HSPA14: variants seen among roughly 807,000 people sequenced by gnomAD.
HSPA14 encodes heat shock 70 kDa protein 14.
Under a neutral mutation model 65.5 loss-of-function variants are expected in HSPA14, and 37 were observed. The ratio of observed to expected loss-of-function variants is 0.56; its 90% CI spans 0.43 to 0.74. HSPA14 has a LOEUF of 0.74. Among genes scored for constraint, HSPA14 ranks in the 30% least tolerant of loss-of-function variants. The probability of loss-of-function intolerance (pLI) is 0.00; values close to 1 mark genes in which losing one functional copy is unlikely to be tolerated. For missense variants in HSPA14, 564 were observed against 607.6 expected (o/e 0.93, Z 0.75); for synonymous variants, 203 against 214.2 (o/e 0.95, Z 0.46).
In HSPA14 at chr10:14,842,086, T is replaced by G. The variant is rs1003775658; in HGVS notation, c.221+1929T>G. On this transcript the variant is annotated intron_variant, in intron 3 of 13. Coordinates refer to ENST00000378372, the MANE Select transcript of HSPA14 (RefSeq NM_016299.4). The surrounding 1 kb of genome is among the most constrained non-coding windows in gnomAD (Gnocchi z 5.2). ...AGCACCACTTAACTTGCTGCCAAAA[T>G]TATCCTTACACCCTTCCTGTAACTC... The G allele has an allele frequency of 1.4e-6, 2 of 1,423,008 alleles. No individual in the cohort carries two copies. The highest frequency in any genetic ancestry group is 1.9e-6 in the Non-Finnish European group (2 of 1,047,532). The allele number at this position is 1,423,008 out of a possible 1,614,324, so 88.1% of individuals were successfully genotyped here. A position where few individuals can be genotyped will look rare whatever the true frequency, so the allele number is the denominator to read the frequency against.
chr10:14,868,400 G>A (rs377645355), intron 12 of HSPA14, among the ~76,000 whole-genome samples: 5 of 151,990 alleles, frequency 3.3e-5, no homozygotes, highest in Admixed American at 3.3e-4. Context: ...TTAAAATACC[G>A]CGTGCATATC....
chr10:14,867,902 T>A lies in HSPA14; in HGVS notation c.1373T>A (p.Phe458Tyr). 1 of 1,612,992 alleles carries A rather than the reference T, an allele frequency of 6.2e-7. No homozygotes were observed. Among genetic ancestry groups the A allele is most frequent in the Non-Finnish European group, 8.5e-7 (1 of 1,179,606 alleles). ...GKNSAKEETK[F>Y]AQVVLQDLDK... is the part of the protein sequence containing the mutation. ...AACTCTGCCAAAGAGGAAACCAAGTTTGCACAGGTGAATACATAAAGTTAG... is the reference window on the plus strand; with the variant it reads ...AACTCTGCCAAAGAGGAAACCAAGTATGCACAGGTGAATACATAAAGTTAG... Residue 458 changes from phenylalanine (F) to tyrosine (Y), a missense_variant, in exon 12 of 14, where the codon TTT becomes TAT. By Grantham distance (22) the Phe-to-Tyr change is conservative. Transcript: ENST00000378372.
chr10:14,842,769 A>G lies in HSPA14; in HGVS notation c.221+2612A>G, dbSNP rs1159147411. ...AAAACAGTTAAGGCATCAGATGAGG[A>G]TTGTCAGCTAAGAATCAGTGACCGG... On this transcript the variant is annotated intron_variant, in intron 3 of 13. Coordinates refer to ENST00000378372, the MANE Select transcript of HSPA14 (RefSeq NM_016299.4). This position sits in a 1 kb window ranked among gnomAD's most constrained non-coding sequence, Gnocchi z 5.2. The G allele has an allele frequency of 1.3e-6, 2 of 1,536,416 alleles. No homozygotes were observed. The highest frequency in any genetic ancestry group is 1.7e-6 in the Non-Finnish European group (2 of 1,146,984).
At chr10:14,840,338 C>T (rs548752276) in intron 3 of HSPA14, among the ~76,000 whole-genome samples, 181 bp downstream of exon 3, 2 of 152,258 alleles carry the variant, frequency 1.3e-5, no homozygotes, top group East Asian at 3.9e-4. Context: ...TGGATCTTCT[C>T]TGATATGGGA....
At chr10:14,859,453 T>C (rs907833930) in intron 10 of HSPA14, among the ~76,000 whole-genome samples, 4 of 152,212 alleles carry the variant, frequency 2.6e-5, no homozygotes, top group East Asian at 1.9e-4. Context: ...AAACTCAAGA[T>C]TTCTCTTCCA....
At chr10:14,841,572 A>G (rs545893881) in intron 3 of HSPA14, among the ~76,000 whole-genome samples, 1 of 152,206 alleles carries the variant, frequency 6.6e-6, no homozygotes, top group Non-Finnish European at 1.5e-5. Flanking sequence ...GAACATTTCC[A>G]TAGATCTCTC....
chr10:14,864,123 C>T (rs1832782914), intron 10 of HSPA14, among the ~76,000 whole-genome samples: 1 of 151,072 alleles, frequency 6.6e-6, no homozygotes, highest in East Asian at 1.9e-4. Context: ...GAGACTGAAG[C>T]AGGAGGATCA....
At chr10:14,846,611 A>G (rs563205122) in intron 3 of HSPA14, 51 of 962,596 alleles carry the variant, frequency 5.3e-5, no homozygotes, top group Non-Finnish European at 6.2e-5. Flanking sequence ...CCAGCATTCC[A>G]TAACTCAGGT....
intron 9 of HSPA14, among the ~76,000 whole-genome samples, chr10:14,854,582 T>C (rs889660995): frequency 1.3e-5 from 2 of 152,236 alleles, no homozygotes; most frequent in Non-Finnish European, 2.9e-5. Context: ...TGCTGTAGTC[T>C]TTGTGTTGCA....
chr10:14,838,630 G>T, intron 1 of HSPA14, 171 bp downstream of exon 1: 2 of 616,596 alleles, frequency 3.2e-6, no homozygotes, highest in South Asian at 4.4e-5. Flanking sequence ...CCTCGCGCCT[G>T]GCGATTCCTC....
rs148582275 is a variant in HSPA14, at chr10:14,843,879, G to A, written c.221+3722G>A. 4.9e-4 allele frequency: 751 copies of A among 1,536,314 alleles called. 16 individuals are homozygous for A. The East Asian group carries it at 8.0e-3, about 16-fold the overall frequency. ...AAAAATTGCTTCAGAGGTTGATTTC[G>A]AATACCAAAAGCTAGGAACCAATTA... On this transcript the variant is annotated intron_variant, in intron 3 of 13. Coordinates refer to ENST00000378372, the MANE Select transcript of HSPA14 (RefSeq NM_016299.4).
At chr10:14,843,831 TGGTGCTTTTCA>T (rs1191767198) in intron 3 of HSPA14, 14 of 1,536,316 alleles carry the variant, frequency 9.1e-6, no homozygotes, top group Admixed American at 2.0e-5. Context: ...AAGAGGCAAC[TGGTGCTTTTCA>T]GCTAGGCCTT....
chr10:14,852,131 T>A (rs1039599548), intron 7 of HSPA14, among the ~76,000 whole-genome samples: 3 of 152,206 alleles, frequency 2.0e-5, no homozygotes, highest in Non-Finnish European at 4.4e-5. Context: ...TTGAACTCCT[T>A]ACTCAGAAGA....
intron 6 of HSPA14, among the ~76,000 whole-genome samples, chr10:14,850,165 G>A (rs1325167350): frequency 4.0e-5 from 6 of 151,886 alleles, no homozygotes; most frequent in South Asian, 2.1e-4. Flanking sequence ...TCAGCTATTC[G>A]GGAGGCTGAG....
rs1796623245 is a variant in HSPA14, at chr10:14,842,478, A to G, written c.221+2321A>G. ...CGCACCGAACGTCAGTGCCGCTCCAAGTTTAAAGTTCTGAAGGCATTATAT... is the reference window on the plus strand; with the variant it reads ...CGCACCGAACGTCAGTGCCGCTCCAGGTTTAAAGTTCTGAAGGCATTATAT... On this transcript the variant is annotated intron_variant, in intron 3 of 13. Coordinates refer to ENST00000378372, the MANE Select transcript of HSPA14 (RefSeq NM_016299.4). The surrounding 1 kb of genome is among the most constrained non-coding windows in gnomAD (Gnocchi z 5.2). The G allele has an allele frequency of 6.5e-7, 1 of 1,536,018 alleles. No homozygotes were observed. Among genetic ancestry groups the G allele is most frequent in the South Asian group, 1.2e-5 (1 of 84,068 alleles).
chr10:14,857,080 A>G (rs1232401402), intron 10 of HSPA14, among the ~76,000 whole-genome samples: 1 of 152,142 alleles, frequency 6.6e-6, no homozygotes, highest in African/African-American at 2.4e-5. Context: ...TTTATATAAT[A>G]TAACCAATTT....
At position 14,869,232 on chromosome 10, in the gene HSPA14, C is replaced by CGTGTGTGTGTGTGT. The variant is rs68155495; in HGVS notation, c.1380+1342_1381-1333dup. On this transcript the variant is annotated intron_variant, in intron 12 of 13. Transcript: ENST00000378372. ...ATGAGATATTGTGTGTGTACGTGTACGTGTGTGTGTGTGTGTGTGTGTGTG... is the reference window on the plus strand; with the variant it reads ...ATGAGATATTGTGTGTGTACGTGTACGTGTGTGTGTGTGTGTGTGTGTGTGTGTGTGTGTGTGTG... Among the ~76,000 whole-genome samples the CGTGTGTGTGTGTGT allele has an allele frequency of 3.2e-4, 47 of 144,822 alleles. No individual in the cohort carries two copies. The East Asian group carries it at 8.4e-3, about 26-fold the overall frequency.
intron 11 of HSPA14, 79 bp from the exon 12 acceptor site, chr10:14,867,657 A>G: frequency 2.5e-6 from 3 of 1,206,262 alleles, no homozygotes; most frequent in South Asian, 1.5e-5. Context: ...AGGAATATAT[A>G]TCTCATTTAT....
At chr10:14,846,461 A>C (rs983586823) in intron 3 of HSPA14, 3 of 985,382 alleles carry the variant, frequency 3.0e-6, no homozygotes, top group Non-Finnish European at 3.6e-6. Context: ...GTCTTGAATA[A>C]GTACACAGAA....
Sources: gnomAD v4.1 joint callset for allele counts (sites outside exome capture counted in the v4.1 genomes callset) on GRCh38, gnomAD v4.1.1 for gene constraint, Gnocchi (gnomAD v3.1) non-coding constraint, MANE v1.5 for transcripts, NCBI Gene and HGNC (gene_info 2026-07-23, HGNC 2026-07-21) for gene names.